The following TPRG1 variants were observed in gnomAD, a reference collection of about 807,000 sequenced individuals.
The protein encoded by TPRG1 is tumor protein p63 regulated 1.
A neutral mutation model predicts 29.3 loss-of-function variants in TPRG1; 29 were observed. The observed-to-expected ratio is 0.99, with a 90% CI of 0.74 to 1.35. The LOEUF is 1.35. Among genes scored for constraint, TPRG1 ranks in the 40% most tolerant of loss-of-function variants. The probability of loss-of-function intolerance (pLI) is 0.00; values close to 1 mark genes in which losing one functional copy is unlikely to be tolerated. For synonymous variants in TPRG1, 130 were observed against 116.8 expected (o/e 1.11, Z -0.73); for missense variants, 327 against 335.0 (o/e 0.98, Z 0.19).
At chr3:189,129,150 T>TTA (rs1722828239) in intron 2 of TPRG1, among the ~76,000 whole-genome samples, 2 of 152,200 alleles carry the variant, frequency 1.3e-5, no homozygotes, top group South Asian at 4.1e-4. Context: ...TCCTTTCTTA[T>TTA]TCCTAGGCTC....
intron 1 of TPRG1, among the ~76,000 whole-genome samples, chr3:189,100,508 T>G (rs1719064115): frequency 6.6e-6 from 1 of 152,208 alleles, no homozygotes; most frequent in African/African-American, 2.4e-5. Flanking sequence ...TCTCTAACTG[T>G]CACATAATGA....
intron 4 of TPRG1, among the ~76,000 whole-genome samples, chr3:189,272,713 CTCCTTCCTTCCTTCCT>C (rs59828840): frequency 2.5e-4 from 33 of 132,508 alleles, no homozygotes; most frequent in African/African-American, 8.1e-4. Flanking sequence ...TTCTTTCTTT[CTCCTTCCTTCCTTCCT>C]TCCTTCCTTC....
Position 189,139,425 on chromosome 3 carries a change from T to C in TPRG1, c.-291+6728T>C, listed in dbSNP as rs546180372. On this transcript the variant is annotated intron_variant, in intron 3 of 6. Transcript: ENST00000412373. ...CCCTCTGTTTGCCTGACTTCTGGAA[T>C]CAGTGAACCAGCTCCTCATCCAGAG... is the stretch of plus-strand genomic sequence containing the variant. 2.6e-5 allele frequency among the ~76,000 whole-genome samples: 4 copies of C among 152,294 alleles called. No homozygotes were observed. In the South Asian group the frequency reaches 8.3e-4, roughly 32 times the overall value.
intron 4 of TPRG1, among the ~76,000 whole-genome samples, chr3:189,150,395 C>G (rs555915769): frequency 6.6e-6 from 1 of 152,246 alleles, no homozygotes; most frequent in Non-Finnish European, 1.5e-5. Flanking sequence ...GTTGGTCAGC[C>G]TGGTCTTGAA....
chr3:189,057,690 C>T (rs1715790640), intron 4 of TPRG1, among the ~76,000 whole-genome samples: 1 of 149,178 alleles, frequency 6.7e-6, no homozygotes, highest in Non-Finnish European at 1.5e-5. Context: ...TAATAGGAGA[C>T]AAGAGGGCAT....
chr3:189,296,977 T>C (rs1192219109), intron 4 of TPRG1, among the ~76,000 whole-genome samples: 1 of 152,014 alleles, frequency 6.6e-6, no homozygotes, highest in African/African-American at 2.4e-5. Context: ...AACCCTCTTC[T>C]TCTTCTTCTT....
chr3:189,085,104 T>C (rs1717843811), intron 4 of TPRG1, among the ~76,000 whole-genome samples: 1 of 152,176 alleles, frequency 6.6e-6, no homozygotes, highest in Admixed American at 6.5e-5. Flanking sequence ...TTATCCAAGT[T>C]ACATGAATCA....
intron 2 of TPRG1, among the ~76,000 whole-genome samples, chr3:189,211,445 A>G (rs979466108): frequency 2.6e-5 from 4 of 152,168 alleles, no homozygotes; most frequent in African/African-American, 7.2e-5. Flanking sequence ...TTAATTATTG[A>G]CCAACAAGTC....
Position 189,016,932 on chromosome 3 carries a change from C to T in TPRG1, c.-659-6818C>T, listed in dbSNP as rs372309195. Among the ~76,000 whole-genome samples, 17 of 152,186 alleles carry T rather than the reference C, an allele frequency of 1.1e-4. No individual in the cohort carries two copies. The East Asian group carries it at 3.1e-3, about 28-fold the overall frequency. ...GTAGTTCTCTATAGCAGTGTGAAAA[C>T]GAATTAATATACTGGGTTCTCTGCA... is the stretch of plus-strand genomic sequence containing the variant. On this transcript the variant is annotated intron_variant, in intron 3 of 10. Transcript: ENST00000433971.
intron 5 of TPRG1, among the ~76,000 whole-genome samples, chr3:189,315,233 C>T (rs1166799809): frequency 1.3e-5 from 2 of 151,544 alleles, no homozygotes; most frequent in Non-Finnish European, 2.9e-5. Context: ...CTATGTTATA[C>T]CCAGTTTCCT....
chr3:189,188,358 G>C (rs1292505997), intron 1 of TPRG1, among the ~76,000 whole-genome samples: 1 of 152,148 alleles, frequency 6.6e-6, no homozygotes, highest in African/African-American at 2.4e-5. Context: ...AAAGAGTAAA[G>C]GTGGAAAATA....
chr3:189,027,408 T>C (rs1357618460), intron 4 of TPRG1, among the ~76,000 whole-genome samples: 1 of 152,228 alleles, frequency 6.6e-6, no homozygotes, highest in Non-Finnish European at 1.5e-5. Flanking sequence ...GGTATGTAAA[T>C]AGAAAGTCAG....
At chr3:189,161,620 A>AT (rs1727499822) in intron 5 of TPRG1, among the ~76,000 whole-genome samples, 1 of 152,054 alleles carries the variant, frequency 6.6e-6, no homozygotes, top group East Asian at 1.9e-4. Flanking sequence ...ACCTTTATCC[A>AT]TTTTTTCACT....
At chr3:189,058,365 G>C (rs751810261) in intron 4 of TPRG1, among the ~76,000 whole-genome samples, 3 of 152,046 alleles carry the variant, frequency 2.0e-5, no homozygotes, top group African/African-American at 7.2e-5. Flanking sequence ...GTGTAACGTC[G>C]GTACACAGAA....
chr3:189,179,800 T>C (rs1729972041), intron 1 of TPRG1, among the ~76,000 whole-genome samples: 1 of 152,232 alleles, frequency 6.6e-6, no homozygotes, highest in Admixed American at 6.5e-5. Context: ...GGTTAATGTA[T>C]GTCACATAAG....
intron 1 of TPRG1, among the ~76,000 whole-genome samples, chr3:189,200,619 A>G (rs1331569261): frequency 6.6e-6 from 1 of 152,236 alleles, no homozygotes; most frequent in Non-Finnish European, 1.5e-5. Flanking sequence ...CAACAGAGTC[A>G]TCGTTCTTGT....
intron 3 of TPRG1, among the ~76,000 whole-genome samples, chr3:189,140,406 C>T (rs1356782220): frequency 1.3e-5 from 2 of 152,114 alleles, no homozygotes; most frequent in Non-Finnish European, 2.9e-5. Flanking sequence ...TGTACCCTCA[C>T]AACTTACAGC....
chr3:189,065,711 T>G (rs1273710256), intron 4 of TPRG1, among the ~76,000 whole-genome samples: 4 of 152,116 alleles, frequency 2.6e-5, no homozygotes, highest in Non-Finnish European at 2.9e-5. Flanking sequence ...ATCATACTTA[T>G]TGGTCCAAGA....
At chr3:189,278,755 G>T (rs1438113369) in intron 4 of TPRG1, among the ~76,000 whole-genome samples, 1 of 152,132 alleles carries the variant, frequency 6.6e-6, no homozygotes, top group Non-Finnish European at 1.5e-5. Flanking sequence ...TAATCCAGGT[G>T]TCATCACCAC....
Sources: allele counts gnomAD v4.1 joint callset (sites outside exome capture counted in the v4.1 genomes callset), GRCh38; gene constraint gnomAD v4.1.1; transcripts MANE v1.5; gene names NCBI Gene and HGNC (gene_info 2026-07-23, HGNC 2026-07-21).